Variants in HPS1 observed in about 807,000 individuals in gnomAD.
HPS1 encodes the protein HPS1 biogenesis of lysosomal organelles complex 3 subunit 1.
In HPS1, 59 loss-of-function variants were observed where a neutral mutation model predicts 90.6. The observed-to-expected ratio is 0.65, with a 90% CI of 0.53 to 0.81. HPS1 has a LOEUF of 0.81. Among genes scored for constraint, HPS1 ranks in the 30% least tolerant of loss-of-function variants. The pLI is 0.00. For synonymous variants in HPS1, 388 were observed against 384.4 expected, an observed-to-expected ratio of 1.01 and a Z score of -0.11; for missense variants, 849 against 896.7, an observed-to-expected ratio of 0.95 and a Z score of 0.68.
downstream of HPS1, chr10:98,415,134 AT>A: frequency 6.2e-7 from 1 of 1,612,538 alleles, no homozygotes; most frequent in Non-Finnish European, 8.5e-7. Context: ...ACTTGCAGCC[AT>A]TTCTGCCCCA....
chr10:98,425,934 C>A lies in HPS1; in HGVS notation c.1039G>T (p.Gly347Cys). 3 of 1,614,102 alleles carry A rather than the reference C, an allele frequency of 1.9e-6. No individual in the cohort carries two copies. Among genetic ancestry groups the A allele is most frequent in the Admixed American group, 1.7e-5 (1 of 60,022 alleles). The change falls in exon 12 of 20, where the codon GGC becomes TGC. Residue 347 changes from glycine (G) to cysteine (C), a missense_variant. Gly to Cys is a radical substitution (Grantham distance 159). Coordinates refer to ENST00000361490, the MANE Select transcript of HPS1 (RefSeq NM_000195.5). Reference sequence around the variant, plus strand: ...GCATCCAGGAAGATCCTTCTGGGGCCGGAAGGCACAGGGCAGTGGGGAACC... The same window carrying A: ...GCATCCAGGAAGATCCTTCTGGGGCAGGAAGGCACAGGGCAGTGGGGAACC... ...TLVPHCPVPS[G>C]PRRIFLDANV...
chr10:98,435,132 C>T lies in HPS1; in HGVS notation c.398+140G>A. 1 of 932,746 alleles carries T rather than the reference C, an allele frequency of 1.1e-6. No individual in the cohort carries two copies. The highest frequency in any genetic ancestry group is 1.4e-5 in the South Asian group (1 of 70,742). 57.8% of individuals were successfully genotyped at this position (932,746 alleles called of 1,614,324 possible). Reference sequence around the variant, plus strand: ...CAGACCAGATGGTCTCCAAGGTTCACTTGAGCTGTTTCTCTGACCTAGGGA... The same window carrying T: ...CAGACCAGATGGTCTCCAAGGTTCATTTGAGCTGTTTCTCTGACCTAGGGA... On this transcript the variant is annotated intron_variant, in intron 5 of 19. Coordinates refer to ENST00000361490, the MANE Select transcript of HPS1 (RefSeq NM_000195.5). This position sits in a 1 kb window ranked among gnomAD's most constrained non-coding sequence, Gnocchi z 4.3.
downstream of HPS1, chr10:98,415,085 G>C (rs747024380): frequency 6.2e-7 from 1 of 1,614,060 alleles, no homozygotes; most frequent in Non-Finnish European, 8.5e-7. Context: ...TCCACGCCGG[G>C]AAGGGAGAGG....
downstream of HPS1, chr10:98,414,718 A>G: frequency 2.9e-6 from 1 of 342,732 alleles, no homozygotes; most frequent in Admixed American, 4.8e-5. Flanking sequence ...ATATAGGGAA[A>G]CCCCTGAGCT....
In HPS1 at chr10:98,435,152, T is replaced by C. The variant is rs11594443; in HGVS notation, c.398+120A>G. The C allele has an allele frequency of 0.16, 193,163 of 1,221,002 alleles. 16,404 individuals are homozygous for C. The highest frequency in any genetic ancestry group is 0.21 in the South Asian group (16,495 of 80,404). The allele number at this position is 1,221,002 out of a possible 1,614,324, so 75.6% of individuals were successfully genotyped here. On this transcript the variant is annotated intron_variant, in intron 5 of 19. Transcript: ENST00000361490. The surrounding 1 kb of genome is among the most constrained non-coding windows in gnomAD (Gnocchi z 4.3). Reference sequence around the variant, plus strand: ...GTTCACTTGAGCTGTTTCTCTGACCTAGGGACCCAGCTGGGGGCAGTATGT... The same window carrying C: ...GTTCACTTGAGCTGTTTCTCTGACCCAGGGACCCAGCTGGGGGCAGTATGT...
Position 98,423,592 on chromosome 10 carries a change from C to A in HPS1, c.1598+11G>T. 6.2e-7 allele frequency: 1 copy of A among 1,613,374 alleles called. No individual in the cohort carries two copies. Among genetic ancestry groups the A allele is most frequent in the Non-Finnish European group, 8.5e-7 (1 of 1,179,506 alleles). On this transcript the variant is annotated intron_variant, in intron 16 of 19. Coordinates refer to ENST00000361490, the MANE Select transcript of HPS1 (RefSeq NM_000195.5). ...CTTGTTGGGCTGGCTGGGGCCCCGG[C>A]GTCAGGATATGACACCATGGTGATG...
intron 17 of HPS1, among the ~76,000 whole-genome samples, chr10:98,421,965 A>AACACACACACACACACAC (rs1270311453): frequency 1.7e-5 from 2 of 118,684 alleles, no homozygotes; most frequent in African/African-American, 3.8e-5. Context: ...GAAAGAAAAG[A>AACACACACACACACACAC]ACACACACAC....
intron 16 of HPS1, among the ~76,000 whole-genome samples, 186 bp from the exon 17 acceptor site, chr10:98,422,699 C>T (rs1205678613): frequency 6.6e-6 from 1 of 152,198 alleles, no homozygotes; most frequent in Non-Finnish European, 1.5e-5. Context: ...CCAAGCTCCC[C>T]AGGCCTTGAA....
downstream of HPS1, among the ~76,000 whole-genome samples, chr10:98,415,824 G>A (rs3750604): frequency 0.22 from 33,352 of 152,222 alleles, 4,124 homozygotes; most frequent in South Asian, 0.39. Flanking sequence ...ATTCTCTGGT[G>A]TTTTAGTTTT....
chr10:98,416,345 TCA>T lies in HPS1; in HGVS notation c.*1217_*1218del, dbSNP rs1844114241. ...GCAGGGGTCCTGAACAGTGGTGGGC[TCA>T]GGGGATTGGAGTTTTTTCCTTTATG... On this transcript the variant is annotated 3_prime_UTR_variant, in exon 20 of 20. Transcript: ENST00000361490. 1 of 152,356 alleles carries T rather than the reference TCA, an allele frequency of 6.6e-6. No homozygotes were observed. The highest frequency in any genetic ancestry group is 1.9e-4 in the East Asian group (1 of 5,336). 9.4% of individuals were successfully genotyped at this position (152,356 alleles called of 1,614,324 possible).
At chr10:98,420,608 T>TG (rs1020543934) in intron 17 of HPS1, among the ~76,000 whole-genome samples, 1 of 151,964 alleles carries the variant, frequency 6.6e-6, no homozygotes, top group Non-Finnish European at 1.5e-5. Context: ...CCCAGCTATT[T>TG]GGGGGGCTGA....
rs750866304 is a variant in HPS1 at position 98,420,027 on chromosome 10, G to A, written c.1857+18C>T. On this transcript the variant is annotated intron_variant, in intron 18 of 19. Coordinates refer to ENST00000361490, the MANE Select transcript of HPS1 (RefSeq NM_000195.5). ...GTGTGTGTGGCCCGTCCTGGCCCAG[G>A]GACTCAGCCTCACCTACCATGTCAT... The A allele has an allele frequency of 2.0e-6, 3 of 1,505,158 alleles. No individual in the cohort carries two copies. The highest frequency in any genetic ancestry group is 2.2e-5 in the South Asian group (2 of 89,012). 93.2% of individuals were successfully genotyped at this position (1,505,158 alleles called of 1,614,324 possible).
At chr10:98,423,286 C>G (rs888416718) in intron 16 of HPS1, among the ~76,000 whole-genome samples, 11 of 122,532 alleles carry the variant, frequency 9.0e-5, no homozygotes, top group Non-Finnish European at 1.8e-4. Context: ...GGAACCCCCC[C>G]CCCGGTCCCC....
downstream of HPS1, chr10:98,414,926 TC>T (rs1266235398): frequency 2.7e-5 from 42 of 1,537,730 alleles, no homozygotes; most frequent in Non-Finnish European, 8.8e-7. Flanking sequence ...GGGGCTTGGC[TC>T]CCCCTCCCCC....
intron 10 of HPS1, chr10:98,429,173 T>C: frequency 9.5e-7 from 1 of 1,049,448 alleles, no homozygotes; most frequent in Non-Finnish European, 1.2e-6. Context: ...TTTTTTATTG[T>C]TTACCCACAT....
chr10:98,440,384 T>C (rs11597549), intron 3 of HPS1, among the ~76,000 whole-genome samples: 1 of 151,998 alleles, frequency 6.6e-6, no homozygotes, highest in African/African-American at 2.4e-5. Flanking sequence ...GGAGCAATAT[T>C]TATGTCCATA....
At chr10:98,430,497 C>T in intron 8 of HPS1, 74 bp downstream of exon 8, 1 of 1,160,202 alleles carries the variant, frequency 8.6e-7, no homozygotes, top group Non-Finnish European at 1.3e-6. Context: ...GGGGAGCCTG[C>T]CCACCATCTT....
intron 13 of HPS1, among the ~76,000 whole-genome samples, chr10:98,425,338 CAT>C (rs1308460193): frequency 1.3e-5 from 2 of 152,244 alleles, no homozygotes; most frequent in Non-Finnish European, 2.9e-5. Flanking sequence ...GCCAAACACA[CAT>C]AAAAAGATTC....
rs1367052331 is a variant in HPS1, at chr10:98,424,428, C to A, written c.1336-54G>T. On this transcript the variant is annotated intron_variant, in intron 13 of 19. Transcript: ENST00000361490. Reference sequence around the variant, plus strand: ...ATCCCGACCATATTTCCAGTGAGGTCCAGGCCAAAGTCCTTCTCAGATCAG... The same window carrying A: ...ATCCCGACCATATTTCCAGTGAGGTACAGGCCAAAGTCCTTCTCAGATCAG... 5 of 1,498,088 alleles carry A rather than the reference C, an allele frequency of 3.3e-6. No individual in the cohort carries two copies. The African/African-American group carries it at 4.1e-5, about 12-fold the overall frequency. The allele number at this position is 1,498,088 out of a possible 1,614,324, so 92.8% of individuals were successfully genotyped here.
Sources: gnomAD v4.1 joint callset for allele counts (sites outside exome capture counted in the v4.1 genomes callset) on GRCh38, gnomAD v4.1.1 for gene constraint, Gnocchi (gnomAD v3.1) non-coding constraint, MANE v1.5 for transcripts, NCBI Gene and HGNC (gene_info 2026-07-23, HGNC 2026-07-21) for gene names.